Variants in CXCL14 observed in about 807,000 individuals in gnomAD.
CXCL14 encodes the protein C-X-C motif chemokine 14.
In CXCL14, 9 loss-of-function variants were observed where a neutral mutation model predicts 16.1. The observed-to-expected ratio is 0.56, with a 90% CI of 0.34 to 0.97. CXCL14 has a LOEUF of 0.97. Ranked by LOEUF, CXCL14 falls within the 50% of genes least tolerant of loss-of-function variation. CXCL14 has a pLI of 0.02. For missense variants in CXCL14, 111 were observed against 132.5 expected, an observed-to-expected ratio of 0.84 and a Z score of 0.80; for synonymous variants, 55 against 52.8, an observed-to-expected ratio of 1.04 and a Z score of -0.18.
chr5:135,576,786 A>T (rs1404612116), intron 2 of CXCL14, among the ~76,000 whole-genome samples: 1 of 132,584 alleles, frequency 7.5e-6, no homozygotes, highest in Non-Finnish European at 1.6e-5. Flanking sequence ...TTTCTGGGTG[A>T]CTCAGGGTAA....
At position 135,578,770 on chromosome 5, in the gene CXCL14, G is replaced by A; in HGVS notation, c.9C>T (p.Leu3=). ...GCAGCAGGAGCAGCGCGGCCGCCAG[G>A]AGCCTCATGCTGACCGGAGGGGCGC... MR[L]LAAALLLLLL... The change falls in exon 1 of 4, where the codon CTC becomes CTT. Residue 3 remains leucine (L), a synonymous_variant. Transcript: ENST00000512158. The A allele has an allele frequency of 1.3e-6, 2 of 1,545,600 alleles. No homozygotes were observed. The highest frequency in any genetic ancestry group is 1.7e-6 in the Non-Finnish European group (2 of 1,145,720).
Position 135,571,307 on chromosome 5 carries a change from C to A in CXCL14, c.*546G>T, listed in dbSNP as rs1470886748. 6.5e-6 allele frequency: 1 copy of A among 152,690 alleles called. No homozygotes were observed. The highest frequency in any genetic ancestry group is 1.5e-5 in the Non-Finnish European group (1 of 68,412). The allele number at this position is 152,690 out of a possible 1,614,324, so 9.5% of individuals were successfully genotyped here. A position where few individuals can be genotyped will look rare whatever the true frequency, so the allele number is the denominator to read the frequency against. ...TCCTCAGAGAACAGATGCAGAGAGACCTGCTCCTGCTTGCCCGGCTACAGG... is the reference window on the plus strand; with the variant it reads ...TCCTCAGAGAACAGATGCAGAGAGAACTGCTCCTGCTTGCCCGGCTACAGG... On this transcript the variant is annotated 3_prime_UTR_variant, in exon 4 of 4. Coordinates refer to ENST00000512158, the MANE Select transcript of CXCL14 (RefSeq NM_004887.5).
In CXCL14 at chr5:135,576,229, C is replaced by T. The variant is rs1310541326; in HGVS notation, c.171-1544G>A. 2.0e-5 allele frequency among the ~76,000 whole-genome samples: 3 copies of T among 152,340 alleles called. No individual in the cohort carries two copies. The East Asian group carries it at 5.8e-4, about 29-fold the overall frequency. ...TCCGGGTCATTCCTCTAGCCTTGAG[C>T]ACAGGCCAGGCTTCAGAGTGAACTC... On this transcript the variant is annotated intron_variant, in intron 2 of 3. Coordinates refer to ENST00000512158, the MANE Select transcript of CXCL14 (RefSeq NM_004887.5).
intron 2 of CXCL14, among the ~76,000 whole-genome samples, chr5:135,578,114 C>G (rs1751140798): frequency 6.6e-6 from 1 of 152,204 alleles, no homozygotes; most frequent in Non-Finnish European, 1.5e-5. Flanking sequence ...TCTGAGTTGG[C>G]ACAAGGGAAC....
At chr5:135,576,147 G>A (rs527775414) in intron 2 of CXCL14, among the ~76,000 whole-genome samples, 15 of 152,284 alleles carry the variant, frequency 9.9e-5, no homozygotes, top group African/African-American at 3.4e-4. Flanking sequence ...GGGCAGGGGC[G>A]GGTCTTCCTG....
In CXCL14 at chr5:135,578,961, C is replaced by T. The variant is rs960724442; in HGVS notation, c.-183G>A. On this transcript the variant is annotated 5_prime_UTR_variant, in exon 1 of 4. Transcript: ENST00000512158. ...CAGGGCTGTCTGTGGCCGTGCGCTG[C>T]GCTCTGCGCTTGTCTCCGCGCTCTC... The T allele has an allele frequency of 5.0e-6, 3 of 603,012 alleles. No individual in the cohort carries two copies. Among genetic ancestry groups the T allele is most frequent in the South Asian group, 2.6e-5 (1 of 37,832 alleles). 37.4% of individuals were successfully genotyped at this position (603,012 alleles called of 1,614,324 possible). A position where few individuals can be genotyped will look rare whatever the true frequency, so the allele number is the denominator to read the frequency against.
intron 3 of CXCL14, among the ~76,000 whole-genome samples, chr5:135,573,787 G>A (rs984463290): frequency 7.9e-5 from 12 of 151,960 alleles, no homozygotes; most frequent in African/African-American, 2.7e-4. Flanking sequence ...CAGACTCTGC[G>A]TATCTGAGGA....
At chr5:135,578,629 G>T in intron 1 of CXCL14, 86 bp downstream of exon 1, 3 of 1,588,260 alleles carry the variant, frequency 1.9e-6, no homozygotes, top group Non-Finnish European at 2.6e-6. Context: ...CCCCCCGCGG[G>T]ATCCCAGGAT....
rs910560340 is a variant in CXCL14 at position 135,571,097 on chromosome 5, A to G, written c.*756T>C. On this transcript the variant is annotated 3_prime_UTR_variant, in exon 4 of 4. Coordinates refer to ENST00000512158, the MANE Select transcript of CXCL14 (RefSeq NM_004887.5). ...TTGCTGACAGTGTTGGGAACCTCAC[A>G]TGCTTCTGAAGCATTAAATATTGAA... The G allele has an allele frequency of 2.0e-5, 3 of 152,206 alleles. No homozygotes were observed. The highest frequency in any genetic ancestry group is 2.0e-4 in the Admixed American group (3 of 15,274). The allele number at this position is 152,206 out of a possible 1,614,324, so 9.4% of individuals were successfully genotyped here.
intron 2 of CXCL14, 129 bp from the exon 3 acceptor site, chr5:135,574,814 G>T: frequency 1.4e-6 from 1 of 725,614 alleles, no homozygotes; most frequent in South Asian, 1.6e-5. Context: ...TCCTCTCAAG[G>T]GAGCCGACTT....
Position 135,578,908 on chromosome 5 carries a change from G to T in CXCL14, c.-130C>A. The stretch of plus-strand genomic sequence containing the variant: ...CCGGGGCGCGCCTTCCGGCTCTGCT[G>T]GCTCCGGCTGCGCCGTCGGTGGATG... On this transcript the variant is annotated 5_prime_UTR_variant, in exon 1 of 4. Transcript: ENST00000512158. 9.8e-7 allele frequency: 1 copy of T among 1,020,470 alleles called. No individual in the cohort carries two copies. Among genetic ancestry groups the T allele is most frequent in the Non-Finnish European group, 1.3e-6 (1 of 743,750 alleles). 63.2% of individuals were successfully genotyped at this position (1,020,470 alleles called of 1,614,324 possible).
rs1233522606 is a variant in CXCL14, at chr5:135,578,922, C to CGTCGGTGGATGCCCAGGGCT, written c.-164_-145dup. 1.7e-5 allele frequency: 15 copies of CGTCGGTGGATGCCCAGGGCT among 875,132 alleles called. No individual in the cohort carries two copies. In the East Asian group the frequency reaches 4.4e-4, roughly 25 times the overall value. 54.2% of individuals were successfully genotyped at this position (875,132 alleles called of 1,614,324 possible). A position where few individuals can be genotyped will look rare whatever the true frequency, so the allele number is the denominator to read the frequency against. On this transcript the variant is annotated 5_prime_UTR_variant, in exon 1 of 4. Coordinates refer to ENST00000512158, the MANE Select transcript of CXCL14 (RefSeq NM_004887.5). ...CCGGCTCTGCTGGCTCCGGCTGCGC[C>CGTCGGTGGATGCCCAGGGCT]GTCGGTGGATGCCCAGGGCTGTCTG...
intron 1 of CXCL14, 46 bp from the exon 2 acceptor site, chr5:135,578,585 T>A (rs367776635): frequency 6.2e-7 from 1 of 1,603,444 alleles, no homozygotes; most frequent in Non-Finnish European, 8.5e-7. Flanking sequence ...GGCGGTCTCC[T>A]GCCCCTCGAC....
intron 2 of CXCL14, 78 bp downstream of exon 2, chr5:135,578,356 C>T: frequency 4.8e-6 from 6 of 1,250,288 alleles, no homozygotes; most frequent in Middle Eastern, 1.9e-4. Flanking sequence ...TTTGTTAGCC[C>T]GACCCAGGCC....
chr5:135,571,860 T>TC lies in CXCL14; in HGVS notation c.292dup (p.Glu98GlyfsTer5). On this transcript the variant is annotated frameshift_variant, in exon 4 of 4. Transcript: ENST00000512158. LOFTEE classifies it high-confidence loss of function. Reference sequence around the variant, plus strand: ...CTTCTGAGGTTTTTCACCCTATTCTTCGTAGACCCTGGGGAGAAAAAACAC... The same window carrying TC: ...CTTCTGAGGTTTTTCACCCTATTCTTCCGTAGACCCTGGGGAGAAAAAACAC... 3 of 1,594,634 alleles carry TC rather than the reference T, an allele frequency of 1.9e-6. No individual in the cohort carries two copies. The highest frequency in any genetic ancestry group is 2.6e-6 in the Non-Finnish European group (3 of 1,170,002).
chr5:135,578,355 C>G, intron 2 of CXCL14, 79 bp downstream of exon 2: 1 of 1,250,758 alleles, frequency 8.0e-7, no homozygotes, highest in Non-Finnish European at 1.2e-6. Context: ...GTTTGTTAGC[C>G]CGACCCAGGC....
intron 2 of CXCL14, among the ~76,000 whole-genome samples, chr5:135,575,970 A>C (rs139686798): frequency 1.5e-3 from 231 of 152,322 alleles, no homozygotes; most frequent in Middle Eastern, 0.01. Flanking sequence ...TATATGGGCT[A>C]AGTTCTAGAA....
At chr5:135,577,839 C>T (rs1751132801) in intron 2 of CXCL14, among the ~76,000 whole-genome samples, 1 of 152,198 alleles carries the variant, frequency 6.6e-6, no homozygotes, top group African/African-American at 2.4e-5. Context: ...GCACATTAAC[C>T]CCAGCAGAGC....
chr5:135,572,079 A>G (rs1660783393), intron 3 of CXCL14, among the ~76,000 whole-genome samples: 1 of 152,074 alleles, frequency 6.6e-6, no homozygotes, highest in Admixed American at 6.5e-5. Flanking sequence ...TGTCTTTTCT[A>G]ACCATCTGCA....
Sources: gnomAD v4.1 joint callset for allele counts (sites outside exome capture counted in the v4.1 genomes callset) on GRCh38, gnomAD v4.1.1 for gene constraint, MANE v1.5 for transcripts, NCBI Gene and HGNC (gene_info 2026-07-23, HGNC 2026-07-21) for gene names.